The following TRPM3 variants were observed in gnomAD, a reference collection of about 807,000 sequenced individuals.
TRPM3 encodes long transient receptor potential channel 3.
Under a neutral mutation model 181.2 loss-of-function variants are expected in TRPM3, and 77 were observed. That is an observed-to-expected ratio of 0.42 (90% confidence interval 0.35 to 0.51). The LOEUF is 0.51. Ranked by LOEUF, TRPM3 falls within the 20% of genes least tolerant of loss-of-function variation. The pLI is 0.01. For missense variants in TRPM3, 1,759 were observed against 2,196.7 expected (o/e 0.80, Z 3.98); for synonymous variants, 745 against 796.4 (o/e 0.94, Z 1.09).
At chr9:71,284,853 G>T (rs1588291386) in intron 1 of TRPM3, among the ~76,000 whole-genome samples, 1 of 152,100 alleles carries the variant, frequency 6.6e-6, no homozygotes, top group South Asian at 2.1e-4. Flanking sequence ...TGCTATAAAA[G>T]CTAGAATAAC....
rs550966817 is a variant in TRPM3 at position 70,799,163 on chromosome 9, G to A, written c.974-14884C>T. 9.2e-5 allele frequency among the ~76,000 whole-genome samples: 14 copies of A among 152,248 alleles called. 1 individual carries two copies. Among genetic ancestry groups the A allele is most frequent in the South Asian group, 8.3e-4 (4 of 4,822 alleles). ...CTACAAAACTATTATTTCCTCCAGC[G>A]GAAATGAACAGGAACTATATGACTG... On this transcript the variant is annotated intron_variant, in intron 6 of 25. Transcript: ENST00000677713.
At chr9:71,151,975 A>T (rs1246638455) in intron 1 of TRPM3, among the ~76,000 whole-genome samples, 1 of 152,170 alleles carries the variant, frequency 6.6e-6, no homozygotes, top group Non-Finnish European at 1.5e-5. Context: ...AGGGAAAGAT[A>T]TATCTACTTT....
chr9:70,694,295 AAT>A (rs914290741), intron 8 of TRPM3, among the ~76,000 whole-genome samples: 1 of 152,034 alleles, frequency 6.6e-6, no homozygotes, highest in African/African-American at 2.4e-5. Flanking sequence ...CTGCAAAAAA[AAT>A]AAGTTTGACT....
intron 1 of TRPM3, among the ~76,000 whole-genome samples, chr9:71,372,965 A>C (rs1297907285): frequency 6.6e-6 from 1 of 152,196 alleles, no homozygotes; most frequent in Non-Finnish European, 1.5e-5. Context: ...CAAGACTAAG[A>C]TATTCACTCA....
Position 70,553,376 on chromosome 9 carries a change from A to G in TRPM3, c.3224-66T>C, listed in dbSNP as rs193138977. On this transcript the variant is annotated intron_variant, in intron 22 of 25. Coordinates refer to ENST00000677713, the MANE Select transcript of TRPM3 (RefSeq NM_001366145.2). Reference sequence around the variant, plus strand: ...TTTGAGTTAGAAAAAAAATAAAAAGATGGATTTGTAGGAGGGTTTTAGATG... The same window carrying G: ...TTTGAGTTAGAAAAAAAATAAAAAGGTGGATTTGTAGGAGGGTTTTAGATG... The G allele has an allele frequency of 8.1e-5, 127 of 1,573,732 alleles. No homozygotes were observed. The African/African-American group carries it at 1.5e-3, about 19-fold the overall frequency.
At chr9:71,188,888 C>T (rs2077842752) in intron 1 of TRPM3, among the ~76,000 whole-genome samples, 1 of 151,862 alleles carries the variant, frequency 6.6e-6, no homozygotes, top group Admixed American at 6.6e-5. Context: ...GTAATAAGCA[C>T]AGTGGCATAT....
At chr9:71,152,675 G>A (rs757838045) in intron 1 of TRPM3, among the ~76,000 whole-genome samples, 22 of 152,092 alleles carry the variant, frequency 1.4e-4, no homozygotes, top group Non-Finnish European at 2.9e-4. Flanking sequence ...ATCAGTTTGA[G>A]GCCAAGGTTG....
At chr9:71,036,837 C>A (rs1409787551) in intron 1 of TRPM3, among the ~76,000 whole-genome samples, 1 of 152,130 alleles carries the variant, frequency 6.6e-6, no homozygotes, top group Admixed American at 6.6e-5. Flanking sequence ...ATGGAAGGTG[C>A]AGATCAAGAG....
intron 8 of TRPM3, among the ~76,000 whole-genome samples, chr9:70,756,936 C>G (rs1025646274): frequency 6.6e-6 from 1 of 151,956 alleles, no homozygotes; most frequent in Non-Finnish European, 1.5e-5. Context: ...ACCAGAGAAG[C>G]AAGAGCAAAC....
intron 1 of TRPM3, among the ~76,000 whole-genome samples, chr9:70,900,434 T>G (rs1050135087): frequency 6.6e-6 from 1 of 152,188 alleles, no homozygotes; most frequent in South Asian, 2.1e-4. Context: ...CATTTGGAAT[T>G]CAAGGCACAA....
chr9:71,097,259 T>C (rs1397933870), intron 1 of TRPM3, among the ~76,000 whole-genome samples: 1 of 152,118 alleles, frequency 6.6e-6, no homozygotes, highest in East Asian at 1.9e-4. Context: ...ACTTAGGATA[T>C]ATGGTATATA....
chr9:70,894,804 A>G (rs1372105867), intron 1 of TRPM3, among the ~76,000 whole-genome samples: 1 of 152,192 alleles, frequency 6.6e-6, no homozygotes, highest in African/African-American at 2.4e-5. Context: ...TAGTTATACA[A>G]TATACCTTCT....
chr9:71,053,810 T>G (rs2060338345), intron 1 of TRPM3, among the ~76,000 whole-genome samples: 1 of 152,012 alleles, frequency 6.6e-6, no homozygotes, highest in Non-Finnish European at 1.5e-5. Flanking sequence ...TCGAAGTTAC[T>G]CTAAAGGCTA....
At chr9:70,696,613 T>C (rs996454539) in intron 8 of TRPM3, among the ~76,000 whole-genome samples, 5 of 152,260 alleles carry the variant, frequency 3.3e-5, no homozygotes, top group African/African-American at 1.2e-4. Context: ...GCTCTGTGGA[T>C]GTGTGCGCAA....
chr9:71,221,940 AATAAG>A (rs2131852340), intron 1 of TRPM3, among the ~76,000 whole-genome samples: 1 of 152,338 alleles, frequency 6.6e-6, no homozygotes, highest in African/African-American at 2.4e-5. Context: ...TTTGAAATTT[AATAAG>A]ATAAATATCA....
At chr9:70,861,580 T>C (rs867604395) in intron 3 of TRPM3, among the ~76,000 whole-genome samples, 29 of 152,310 alleles carry the variant, frequency 1.9e-4, no homozygotes, top group African/African-American at 6.7e-4. Flanking sequence ...ACAACTCGCA[T>C]GACTTTTAAC....
chr9:70,912,676 G>C (rs2096550066), intron 1 of TRPM3, among the ~76,000 whole-genome samples: 1 of 152,142 alleles, frequency 6.6e-6, no homozygotes, highest in South Asian at 2.1e-4. Flanking sequence ...ACAAGTGCTT[G>C]AGAAAACAGA....
At chr9:70,819,044 G>A (rs1014490940) in intron 6 of TRPM3, among the ~76,000 whole-genome samples, 6 of 152,186 alleles carry the variant, frequency 3.9e-5, no homozygotes, top group Non-Finnish European at 7.3e-5. Context: ...GAAGGGTATG[G>A]TCTTGACAAG....
intron 1 of TRPM3, among the ~76,000 whole-genome samples, chr9:71,148,515 T>G (rs2075558342): frequency 1.3e-5 from 2 of 152,192 alleles, no homozygotes. Context: ...TCTTGTCTTC[T>G]GCCTACTGTT....
Sources: gnomAD v4.1 joint callset for allele counts (sites outside exome capture counted in the v4.1 genomes callset) on GRCh38, gnomAD v4.1.1 for gene constraint, MANE v1.5 for transcripts, NCBI Gene and HGNC (gene_info 2026-07-23, HGNC 2026-07-21) for gene names.